DAAM2: variants seen among roughly 807,000 people sequenced by gnomAD.
DAAM2 encodes the protein disheveled-associated activator of morphogenesis 2.
A neutral mutation model predicts 120.7 loss-of-function variants in DAAM2; 39 were observed. The observed-to-expected ratio is 0.32, with a 90% CI of 0.25 to 0.42. The LOEUF (loss-of-function observed/expected upper bound fraction) is 0.42. Among genes scored for constraint, DAAM2 ranks in the 10% least tolerant of loss-of-function variants. The pLI is 1.00. For synonymous variants in DAAM2, 488 were observed against 524.9 expected, an observed-to-expected ratio of 0.93 and a Z score of 0.96; for missense variants, 1,283 against 1,401.7, an observed-to-expected ratio of 0.92 and a Z score of 1.35.
chr6:39,895,227 C>CTTATTTATTTAT (rs59537611), intron 19 of DAAM2, among the ~76,000 whole-genome samples: 39,252 of 137,478 alleles, frequency 0.29, 5,673 homozygotes, highest in East Asian at 0.37. Flanking sequence ...ACTTTATTTA[C>CTTATTTATTTAT]TTATTTATTT....
intron 1 of DAAM2, among the ~76,000 whole-genome samples, chr6:39,845,738 C>T (rs1763563808): frequency 6.6e-6 from 1 of 152,026 alleles, no homozygotes; most frequent in East Asian, 1.9e-4. Flanking sequence ...GGACCCCACT[C>T]AATCCACATC....
At chr6:39,888,475 A>G (rs1247213894) in intron 16 of DAAM2, 66 of 456,608 alleles carry the variant, frequency 1.4e-4, no homozygotes, top group South Asian at 4.5e-5. Context: ...TCACGTCTCT[A>G]TTTTGACACT....
rs1764659913 is a variant in DAAM2 at position 39,871,488 on chromosome 6, T to C, written c.978-18T>C. ...CTGGCTGTAATGTCTACTCTCTCTG[T>C]CTCCCCATTCTGTCTAGACATTTAG... On this transcript the variant is annotated intron_variant, in intron 8 of 24. Coordinates refer to ENST00000274867, the MANE Select transcript of DAAM2 (RefSeq NM_001201427.2). 6.5e-7 allele frequency: 1 copy of C among 1,550,168 alleles called. No homozygotes were observed. Among genetic ancestry groups the C allele is most frequent in the Non-Finnish European group, 8.7e-7 (1 of 1,145,848 alleles).
At chr6:39,875,892 G>A (rs929832583) in intron 11 of DAAM2, among the ~76,000 whole-genome samples, 7 of 152,264 alleles carry the variant, frequency 4.6e-5, no homozygotes, top group Non-Finnish European at 7.3e-5. Context: ...GCAAACTATG[G>A]GTGCATGGGC....
intron 1 of DAAM2, among the ~76,000 whole-genome samples, chr6:39,838,624 C>G (rs1763199629): frequency 2.0e-5 from 3 of 152,140 alleles, no homozygotes; most frequent in Non-Finnish European, 4.4e-5. Flanking sequence ...TTGCCTGAGA[C>G]TGAGAAGGTT....
intron 21 of DAAM2, among the ~76,000 whole-genome samples, chr6:39,897,589 A>T (rs1415477079): frequency 1.3e-5 from 2 of 152,216 alleles, no homozygotes; most frequent in African/African-American, 4.8e-5. Context: ...GACTCCCAGT[A>T]TGGGAGACTT....
chr6:39,837,663 C>CAAAAAAAAAAA lies in DAAM2; in HGVS notation c.-56-18571_-56-18561dup, dbSNP rs758751293. Among the ~76,000 whole-genome samples, 103 of 41,134 alleles carry CAAAAAAAAAAA rather than the reference C, an allele frequency of 2.5e-3. 3 individuals carry two copies. Among genetic ancestry groups the CAAAAAAAAAAA allele is most frequent in the African/African-American group, 6.9e-3 (62 of 8,932 alleles). 27.0% of individuals were successfully genotyped at this position (41,134 alleles called of 152,430 possible). On this transcript the variant is annotated intron_variant, in intron 1 of 24. Coordinates refer to ENST00000274867, the MANE Select transcript of DAAM2 (RefSeq NM_001201427.2). ...GGGCAACAAGAGCGAAACTCCATCT[C>CAAAAAAAAAAA]AAAAAAAAAAAAAAAAAAAAAAAGA... is the stretch of plus-strand genomic sequence containing the variant.
At chr6:39,821,471 T>C (rs1265048182) in intron 1 of DAAM2, 1 of 152,222 alleles carries the variant, frequency 6.6e-6, no homozygotes, top group Non-Finnish European at 1.5e-5. Context: ...CTGGATAAAC[T>C]TGGTAAGTGA....
intron 8 of DAAM2, among the ~76,000 whole-genome samples, chr6:39,870,974 T>C (rs1764637177): frequency 6.6e-6 from 1 of 152,186 alleles, no homozygotes; most frequent in Non-Finnish European, 1.5e-5. Context: ...ATGGATCCTT[T>C]TGAGGTGGAA....
chr6:39,865,062 C>T lies in DAAM2; in HGVS notation c.416C>T (p.Thr139Ile). 6.4e-7 allele frequency: 1 copy of T among 1,563,576 alleles called. No individual in the cohort carries two copies. The highest frequency in any genetic ancestry group is 8.8e-7 in the Non-Finnish European group (1 of 1,140,108). ...GAAGACCTGAAGACAGCCCTCCGGA[C>T]ACAGCCTATGAGGTAATTCAGTTTC... is the stretch of plus-strand genomic sequence containing the variant. ...VVEDLKTALRTQPMRFVTRFI... is the reference protein window; with the variant it reads ...VVEDLKTALRIQPMRFVTRFI... The change falls in exon 5 of 25, where the codon ACA becomes ATA. Residue 139 changes from threonine to isoleucine, a missense_variant. Physicochemically the swap from Thr to Ile is moderately conservative, Grantham distance 89 (BLOSUM62 -1). Around this residue, in one of 3 missense-constraint regions of DAAM2, gnomAD observed 197 missense variants for 189.3 expected, o/e 1.04. Transcript: ENST00000274867.
At chr6:39,844,905 A>G (rs60417892) in intron 1 of DAAM2, among the ~76,000 whole-genome samples, 78,921 of 151,378 alleles carry the variant, frequency 0.52, 20,928 homozygotes, top group African/African-American at 0.62. Context: ...CATCACCTAC[A>G]CCCCTCCACC....
At chr6:39,884,886 C>T (rs1030716529) in intron 15 of DAAM2, 2 of 152,300 alleles carry the variant, frequency 1.3e-5, no homozygotes, top group African/African-American at 4.8e-5. Context: ...AGGAATCCGC[C>T]TGGTAACTAG....
At position 39,888,723 on chromosome 6, in the gene DAAM2, T is replaced by C. The variant is rs776884840; in HGVS notation, c.2105T>C (p.Met702Thr). The change falls in exon 17 of 25, where the codon ATG (methionine) becomes ACG (threonine). Residue 702 changes from methionine to threonine, a missense_variant. Met to Thr is a moderately conservative substitution (Grantham distance 81). This residue lies in a region of DAAM2 where 748 missense variants were observed against 768.6 expected (regional missense o/e 0.97). Transcript: ENST00000274867. ...NEEIRQAILK[M>T]DEQEDLAKDM... ...GAGATCCGGCAGGCCATCTTGAAGA[T>C]GGATGAGCAGGAGGACCTTGCTAAG... The C allele has an allele frequency of 2.5e-6, 4 of 1,612,998 alleles. No homozygotes were observed. The highest frequency in any genetic ancestry group is 1.1e-5 in the South Asian group (1 of 90,984).
chr6:39,803,755 A>G (rs1761933436), intron 1 of DAAM2, among the ~76,000 whole-genome samples: 1 of 152,186 alleles, frequency 6.6e-6, no homozygotes, highest in African/African-American at 2.4e-5. Context: ...GAACCTGTGC[A>G]GGCTGTGGGG....
chr6:39,847,958 G>T (rs965106612), intron 1 of DAAM2, among the ~76,000 whole-genome samples: 1 of 151,872 alleles, frequency 6.6e-6, no homozygotes, highest in Non-Finnish European at 1.5e-5. Flanking sequence ...CTGTAGTTTT[G>T]GTTCCCACTG....
chr6:39,801,256 A>G (rs1761854130), intron 1 of DAAM2, among the ~76,000 whole-genome samples: 1 of 152,168 alleles, frequency 6.6e-6, no homozygotes, highest in South Asian at 2.1e-4. Flanking sequence ...TGTGGTTTTT[A>G]GGCAACCCTC....
At chr6:39,796,506 A>G (rs930891976) in intron 1 of DAAM2, among the ~76,000 whole-genome samples, 2 of 150,022 alleles carry the variant, frequency 1.3e-5, no homozygotes, top group African/African-American at 4.9e-5. Flanking sequence ...CTGTGGGGGG[A>G]GGAAGTAAGT....
intron 1 of DAAM2, among the ~76,000 whole-genome samples, chr6:39,844,173 A>G (rs185742479): frequency 9.9e-5 from 15 of 152,066 alleles, no homozygotes; most frequent in Non-Finnish European, 7.4e-5. Flanking sequence ...GAAATGTGTG[A>G]AATATTTATG....
chr6:39,862,803 CTCAAAA>C (rs1764265769), intron 3 of DAAM2: 1 of 49,168 alleles, frequency 2.0e-5, no homozygotes, highest in Admixed American at 2.4e-4. Context: ...GAAACTCCAT[CTCAAAA>C]AAAAAAAAAA....
Sources: gnomAD v4.1 joint callset for allele counts (sites outside exome capture counted in the v4.1 genomes callset) on GRCh38, gnomAD v4.1.1 for gene constraint, gnomAD v4.1.1 regional missense constraint, MANE v1.5 for transcripts, NCBI Gene and HGNC (gene_info 2026-07-23, HGNC 2026-07-21) for gene names.